The following CDH12 variants were observed in gnomAD, a reference collection of about 807,000 sequenced individuals.
CDH12 encodes cadherin-12.
CDH12 carries 41 observed loss-of-function variants against 74.1 expected under a neutral mutation model. That is an observed-to-expected ratio of 0.55 (90% confidence interval 0.43 to 0.72). The LOEUF is 0.72. Among genes scored for constraint, CDH12 ranks in the 30% least tolerant of loss-of-function variants. The pLI, the probability that CDH12 is intolerant of heterozygous loss-of-function variation, is 0.00. For synonymous variants in CDH12, 399 were observed against 355.0 expected (o/e 1.12, Z -1.39); for missense variants, 945 against 977.2 (o/e 0.97, Z 0.44).
intron 2 of CDH12, among the ~76,000 whole-genome samples, chr5:22,460,713 A>ATT (rs3039460): frequency 0.033 from 2,806 of 85,484 alleles, 210 homozygotes; most frequent in African/African-American, 0.056. Flanking sequence ...ATATCTAGCA[A>ATT]TTTTTTTTTT....
At chr5:21,912,276 C>T (rs1438771470) in intron 6 of CDH12, among the ~76,000 whole-genome samples, 1 of 150,624 alleles carries the variant, frequency 6.6e-6, no homozygotes, top group Non-Finnish European at 1.5e-5. Context: ...AAATGAGAAA[C>T]AGAATGGAAA....
intron 3 of CDH12, among the ~76,000 whole-genome samples, chr5:22,403,901 A>G (rs1318004216): frequency 6.6e-6 from 1 of 152,160 alleles, no homozygotes; most frequent in East Asian, 1.9e-4. Context: ...TCATTACACA[A>G]TTAAATTATA....
At chr5:21,961,971 C>G (rs1756382367) in intron 6 of CDH12, among the ~76,000 whole-genome samples, 1 of 152,024 alleles carries the variant, frequency 6.6e-6, no homozygotes, top group Non-Finnish European at 1.5e-5. Context: ...GTTCTCTTCC[C>G]TTGGTTGTTG....
chr5:22,187,654 GAAAA>G lies in CDH12; in HGVS notation c.-187+24840_-187+24843del, dbSNP rs993049801. ...ATAAAGAACATCGACCTTGAAAGAGGAAAAAAAAAAGAAAGAAAGAAAGAAAAAA... is the reference window on the plus strand; with the variant it reads ...ATAAAGAACATCGACCTTGAAAGAGGAAAAAAGAAAGAAAGAAAGAAAAAA... On this transcript the variant is annotated intron_variant, in intron 4 of 14. Transcript: ENST00000382254. Among the ~76,000 whole-genome samples, 23 of 105,482 alleles carry G rather than the reference GAAAA, an allele frequency of 2.2e-4. 1 individual carries two copies. Among genetic ancestry groups the G allele is most frequent in the African/African-American group, 8.1e-4 (23 of 28,568 alleles). The allele number at this position is 105,482 out of a possible 152,430, so 69.2% of individuals were successfully genotyped here.
chr5:22,681,323 T>A (rs560608258), intron 1 of CDH12, among the ~76,000 whole-genome samples: 2 of 151,748 alleles, frequency 1.3e-5, no homozygotes, highest in South Asian at 2.1e-4. Flanking sequence ...AATTTCTGAA[T>A]ATGGGCATGA....
At chr5:22,027,573 T>C (rs1561033970) in intron 5 of CDH12, among the ~76,000 whole-genome samples, 1 of 152,188 alleles carries the variant, frequency 6.6e-6, no homozygotes, top group African/African-American at 2.4e-5. Context: ...ATTTATCCAT[T>C]TCTTCTAGAT....
At chr5:22,258,118 GT>G (rs1287747292) in intron 3 of CDH12, among the ~76,000 whole-genome samples, 2 of 150,902 alleles carry the variant, frequency 1.3e-5, no homozygotes, top group Non-Finnish European at 2.9e-5. Flanking sequence ...TTTATTTTTT[GT>G]TTTTTACCAT....
At chr5:21,913,426 TC>T (rs950450286) in intron 6 of CDH12, among the ~76,000 whole-genome samples, 2 of 152,144 alleles carry the variant, frequency 1.3e-5, no homozygotes, top group Non-Finnish European at 2.9e-5. Flanking sequence ...TATACGTGTA[TC>T]TTCTGGGAAA....
At chr5:22,312,504 C>T (rs2150429761) in intron 3 of CDH12, among the ~76,000 whole-genome samples, 1 of 152,168 alleles carries the variant, frequency 6.6e-6, no homozygotes, top group Admixed American at 6.5e-5. Context: ...CACTTAATTA[C>T]TTATCAATTT....
chr5:22,791,495 T>C (rs774496078), intron 1 of CDH12, among the ~76,000 whole-genome samples: 8 of 152,222 alleles, frequency 5.3e-5, no homozygotes, highest in Non-Finnish European at 1.0e-4. Flanking sequence ...TTCCCTTTAA[T>C]GTAGAAAGAC....
intron 6 of CDH12, among the ~76,000 whole-genome samples, chr5:21,954,145 T>C (rs1580011435): frequency 6.6e-6 from 1 of 152,158 alleles, no homozygotes; most frequent in Non-Finnish European, 1.5e-5. Flanking sequence ...TTAATGATGA[T>C]AATTATGACT....
chr5:21,770,366 G>A (rs1477799180), intron 11 of CDH12, among the ~76,000 whole-genome samples: 1 of 152,148 alleles, frequency 6.6e-6, no homozygotes, highest in African/African-American at 2.4e-5. Context: ...GCTCACGCCT[G>A]TAATCTCAGC....
chr5:22,037,824 A>T (rs951946595), intron 5 of CDH12, among the ~76,000 whole-genome samples: 9 of 152,192 alleles, frequency 5.9e-5, no homozygotes, highest in African/African-American at 2.2e-4. Context: ...CAGGAACCCC[A>T]GTGAGCACAG....
At chr5:22,327,512 T>C (rs1356272248) in intron 3 of CDH12, among the ~76,000 whole-genome samples, 1 of 151,720 alleles carries the variant, frequency 6.6e-6, no homozygotes, top group East Asian at 1.9e-4. Context: ...ATTATGACAA[T>C]TGCATTTTGG....
intron 1 of CDH12, among the ~76,000 whole-genome samples, chr5:22,534,873 C>A (rs1332212226): frequency 6.7e-6 from 1 of 150,340 alleles, no homozygotes; most frequent in Non-Finnish European, 1.5e-5. Flanking sequence ...ATAGTAAACT[C>A]TTTTTTGTTA....
At chr5:22,761,909 A>G (rs1746248390) in intron 1 of CDH12, among the ~76,000 whole-genome samples, 1 of 150,880 alleles carries the variant, frequency 6.6e-6, no homozygotes, top group African/African-American at 2.4e-5. Context: ...CTTCTACAAA[A>G]TTTCAGTTTG....
intron 4 of CDH12, among the ~76,000 whole-genome samples, chr5:22,102,717 G>T (rs972458875): frequency 6.6e-6 from 1 of 151,960 alleles, no homozygotes; most frequent in Middle Eastern, 3.4e-3. Context: ...ATAAGAAAAT[G>T]TAATCCCCAA....
intron 6 of CDH12, among the ~76,000 whole-genome samples, chr5:21,963,172 G>A (rs1390132226): frequency 6.6e-6 from 1 of 151,958 alleles, no homozygotes; most frequent in Non-Finnish European, 1.5e-5. Flanking sequence ...AGATTCAGGG[G>A]GTATATGTGC....
intron 5 of CDH12, among the ~76,000 whole-genome samples, chr5:22,029,755 A>T (rs1427793301): frequency 6.6e-6 from 1 of 151,874 alleles, no homozygotes; most frequent in South Asian, 2.1e-4. Flanking sequence ...CAGCCATCCC[A>T]TTACTGGGTA....
Sources: allele counts gnomAD v4.1 joint callset (sites outside exome capture counted in the v4.1 genomes callset), GRCh38; gene constraint gnomAD v4.1.1; transcripts MANE v1.5; gene names NCBI Gene and HGNC (gene_info 2026-07-23, HGNC 2026-07-21).